Variants in DCDC1 observed in about 807,000 individuals in gnomAD.
DCDC1 encodes the protein doublecortin domain containing 1, also known as doublecortin domain-containing protein 1.
Under a neutral mutation model 178.3 loss-of-function variants are expected in DCDC1, and 200 were observed. That is an observed-to-expected ratio of 1.12 (90% CI 1.00 to 1.26). The LOEUF is 1.26. DCDC1 is among the 50% of genes most tolerant of loss of function. DCDC1 has a pLI of 0.00. For missense variants in DCDC1, 1,983 were observed against 1,749.2 expected, an observed-to-expected ratio of 1.13 and a Z score of -2.38; for synonymous variants, 690 against 604.8, an observed-to-expected ratio of 1.14 and a Z score of -2.07.
At chr11:31,299,371 T>A (rs1439941032) in intron 6 of DCDC1, among the ~76,000 whole-genome samples, 1 of 152,214 alleles carries the variant, frequency 6.6e-6, no homozygotes, top group African/African-American at 2.4e-5. Flanking sequence ...CAAAATGTTG[T>A]CACCCTTTCC....
At chr11:31,280,380 C>T (rs1015535341) in intron 7 of DCDC1, among the ~76,000 whole-genome samples, 4 of 152,188 alleles carry the variant, frequency 2.6e-5, no homozygotes, top group African/African-American at 9.6e-5. Context: ...AGATGGCATT[C>T]ACCATCTTTG....
chr11:31,273,955 A>G (rs1194518087), intron 7 of DCDC1, among the ~76,000 whole-genome samples: 1 of 149,898 alleles, frequency 6.7e-6, no homozygotes, highest in East Asian at 1.9e-4. Flanking sequence ...GCATGAGACT[A>G]ACTATCATGA....
intron 11 of DCDC1, among the ~76,000 whole-genome samples, chr11:31,113,765 C>T (rs755731770): frequency 4.6e-5 from 7 of 152,008 alleles, no homozygotes; most frequent in Admixed American, 4.6e-4. Context: ...ATAATCTGGC[C>T]TTATCTCTAG....
Position 31,241,513 on chromosome 11 carries a change from G to A in DCDC1, c.1158C>T (p.Tyr386=). 1 of 397,614 alleles carries A rather than the reference G, an allele frequency of 2.5e-6. No individual in the cohort carries two copies. Among genetic ancestry groups the A allele is most frequent in the Non-Finnish European group, 4.4e-6 (1 of 225,082 alleles). 24.6% of individuals were successfully genotyped at this position (397,614 alleles called of 1,614,324 possible). The part of the protein sequence containing the change: ...EGFSPSGAKM[Y]IQGVLLALYQ... ...ACAGGGCCAAAAGAACTCCTTGGAT[G>A]TACATCTTAGCTCCTGAGGGGCTGA... The change falls in exon 9 of 39, where the codon TAC becomes TAT. Residue 386 remains tyrosine (Y), a synonymous_variant. Transcript: ENST00000684477.
chr11:30,996,057 TA>T lies in DCDC1; in HGVS notation c.2592-43490del, dbSNP rs557702242. On this transcript the variant is annotated intron_variant, in intron 20 of 38. Coordinates refer to ENST00000684477, the MANE Select transcript of DCDC1 (RefSeq NM_001387274.1). ...TGTCTCCACTATGTATAATGAACTC[TA>T]AAATTCAGCAATAAGAAACAACCCA... Among the ~76,000 whole-genome samples the T allele has an allele frequency of 9.5e-4, 144 of 152,262 alleles. 2 individuals carry two copies. Among genetic ancestry groups the T allele is most frequent in the Admixed American group, 6.1e-3 (93 of 15,278 alleles).
chr11:31,227,242 C>T (rs899895435), intron 9 of DCDC1, among the ~76,000 whole-genome samples: 2 of 152,106 alleles, frequency 1.3e-5, no homozygotes, highest in Non-Finnish European at 2.9e-5. Context: ...ACAAGCATGG[C>T]TCCAGCATCT....
intron 18 of DCDC1, among the ~76,000 whole-genome samples, chr11:31,068,605 T>G (rs1956383468): frequency 6.6e-6 from 1 of 152,170 alleles, no homozygotes; most frequent in Non-Finnish European, 1.5e-5. Context: ...AATGATACAC[T>G]ATCAATAATA....
At chr11:30,928,491 A>C (rs1246435772) in intron 22 of DCDC1, among the ~76,000 whole-genome samples, 1 of 83,460 alleles carries the variant, frequency 1.2e-5, no homozygotes, top group East Asian at 4.3e-4. Context: ...AAACCAAAGA[A>C]AGTTGCTATA....
At chr11:31,272,177 AC>A (rs1565528400) in intron 7 of DCDC1, among the ~76,000 whole-genome samples, 1 of 139,050 alleles carries the variant, frequency 7.2e-6, no homozygotes, top group Non-Finnish European at 1.6e-5. Flanking sequence ...AAAAAAAAAA[AC>A]CACCAGAGCT....
intron 20 of DCDC1, among the ~76,000 whole-genome samples, chr11:31,062,698 T>A (rs1261932173): frequency 1.3e-5 from 2 of 152,074 alleles, no homozygotes; most frequent in East Asian, 3.9e-4. Flanking sequence ...TCACTTTTGC[T>A]ATCTATCAGA....
At chr11:31,279,311 CG>C (rs201703089) in intron 7 of DCDC1, among the ~76,000 whole-genome samples, 3,125 of 151,954 alleles carry the variant, frequency 0.021, 95 homozygotes, top group African/African-American at 0.07. Context: ...GCACTATTCC[CG>C]ATCACAAATA....
intron 4 of DCDC1, among the ~76,000 whole-genome samples, chr11:31,306,892 T>C (rs888607780): frequency 1.3e-5 from 2 of 152,088 alleles, no homozygotes; most frequent in Non-Finnish European, 1.5e-5. Flanking sequence ...CCAAGGTTAA[T>C]TGTATTGCTC....
At chr11:31,130,148 T>G (rs1197389291) in intron 10 of DCDC1, among the ~76,000 whole-genome samples, 1 of 152,192 alleles carries the variant, frequency 6.6e-6, no homozygotes, top group Non-Finnish European at 1.5e-5. Context: ...CATAGTTTTA[T>G]GACTCATTCC....
At chr11:30,994,709 A>G (rs1313083109) in intron 20 of DCDC1, among the ~76,000 whole-genome samples, 2 of 144,870 alleles carry the variant, frequency 1.4e-5, no homozygotes, top group African/African-American at 5.0e-5. Flanking sequence ...TATATAACAT[A>G]TAGTATATGT....
At chr11:31,067,863 G>A (rs904045296) in intron 18 of DCDC1, among the ~76,000 whole-genome samples, 4 of 152,058 alleles carry the variant, frequency 2.6e-5, no homozygotes, top group Admixed American at 6.6e-5. Flanking sequence ...CTGGGGAGGC[G>A]GGCAGACAGA....
In DCDC1 at chr11:30,935,491, T is replaced by C. The variant is rs1210983936; in HGVS notation, c.2716-3539A>G. On this transcript the variant is annotated intron_variant, in intron 21 of 38. Transcript: ENST00000684477. The stretch of plus-strand genomic sequence containing the variant: ...CCATTTTGGCCTTCTCTTCTTTGTA[T>C]AGCAGCCCATCCCAGCCATATTAAC... Among the ~76,000 whole-genome samples the C allele has an allele frequency of 3.9e-5, 6 of 152,258 alleles. No individual in the cohort carries two copies. The East Asian group carries it at 5.8e-4, about 15-fold the overall frequency.
At position 31,131,188 on chromosome 11, in the gene DCDC1, C is replaced by CAAAAAAAAAAAAA. The variant is rs565349028; in HGVS notation, c.1315-3562_1315-3550dup. Among the ~76,000 whole-genome samples, 38 of 21,550 alleles carry CAAAAAAAAAAAAA rather than the reference C, an allele frequency of 1.8e-3. 1 individual carries two copies. The highest frequency in any genetic ancestry group is 4.0e-3 in the African/African-American group (36 of 9,056). 14.1% of individuals were successfully genotyped at this position (21,550 alleles called of 152,430 possible). Reference sequence around the variant, plus strand: ...TGGGCGACAGAGCGAGACTCCGTCTCAAAAAAAAAAAAAAAGAAAACAAAA... The same window carrying CAAAAAAAAAAAAA: ...TGGGCGACAGAGCGAGACTCCGTCTCAAAAAAAAAAAAAAAAAAAAAAAAAAAAGAAAACAAAA... On this transcript the variant is annotated intron_variant, in intron 10 of 38. Coordinates refer to ENST00000684477, the MANE Select transcript of DCDC1 (RefSeq NM_001387274.1).
chr11:31,350,025 C>T lies in DCDC1; in HGVS notation c.-124-14461G>A, dbSNP rs145534348. ...TCTTGTATATATACCTTTGACCACA[C>T]CACTGAATAGTTCTTTAAGTCTAGA... On this transcript the variant is annotated intron_variant, in intron 1 of 38. Coordinates refer to ENST00000684477, the MANE Select transcript of DCDC1 (RefSeq NM_001387274.1). Among the ~76,000 whole-genome samples the T allele has an allele frequency of 2.3e-4, 35 of 152,188 alleles. No individual in the cohort carries two copies. The East Asian group carries it at 3.1e-3, about 13-fold the overall frequency.
intron 23 of DCDC1, among the ~76,000 whole-genome samples, chr11:30,922,933 A>C (rs1946343170): frequency 6.6e-6 from 1 of 152,024 alleles, no homozygotes; most frequent in African/African-American, 2.4e-5. Context: ...TAAAGTTTAA[A>C]AAATAATTGT....
Sources: allele counts gnomAD v4.1 joint callset (sites outside exome capture counted in the v4.1 genomes callset), GRCh38; gene constraint gnomAD v4.1.1; transcripts MANE v1.5; gene names NCBI Gene and HGNC (gene_info 2026-07-23, HGNC 2026-07-21).